Variants in CFAP206 observed in about 807,000 individuals in gnomAD.
CFAP206 encodes the protein cilia and flagella associated protein 206, also known as cilia- and flagella-associated protein 206.
A neutral mutation model predicts 65.4 loss-of-function variants in CFAP206; 53 were observed. The ratio of observed to expected loss-of-function variants is 0.81; its 90% CI spans 0.65 to 1.02. The LOEUF (loss-of-function observed/expected upper bound fraction) is 1.02, where lower values mean the gene tolerates loss of function less well. CFAP206 is among the 50% of genes least tolerant of loss of function. CFAP206 has a pLI of 0.00. For missense variants in CFAP206, 663 were observed against 753.2 expected (o/e 0.88, Z 1.40); for synonymous variants, 250 against 254.4 (o/e 0.98, Z 0.17).
chr6:87,428,477 A>T (rs1768092358), intron 8 of CFAP206, 149 bp from the exon 9 acceptor site: 3 of 648,752 alleles, frequency 4.6e-6, no homozygotes, highest in Admixed American at 5.6e-5. Flanking sequence ...TTAAATGTCT[A>T]TCTAAAGTCT....
chr6:87,444,173 G>C (rs779396012), intron 11 of CFAP206, among the ~76,000 whole-genome samples: 3 of 152,106 alleles, frequency 2.0e-5, no homozygotes, highest in Non-Finnish European at 2.9e-5. Context: ...TTTAAAGTTT[G>C]TAATTCCTAG....
intron 11 of CFAP206, among the ~76,000 whole-genome samples, chr6:87,459,200 A>T (rs1768699942): frequency 6.6e-6 from 1 of 152,162 alleles, no homozygotes; most frequent in African/African-American, 2.4e-5. Context: ...AGAAAATTTT[A>T]ATAATTTTTC....
intron 7 of CFAP206, 115 bp from the exon 8 acceptor site, chr6:87,426,411 C>T (rs1768044215): frequency 2.9e-6 from 2 of 678,468 alleles, no homozygotes; most frequent in Admixed American, 3.5e-5. Flanking sequence ...AACAGACTTC[C>T]TGCTGTCATT....
chr6:87,416,312 G>T (rs181852813), intron 5 of CFAP206, among the ~76,000 whole-genome samples: 2 of 152,154 alleles, frequency 1.3e-5, no homozygotes, highest in East Asian at 3.8e-4. Context: ...CCTTTAAAAT[G>T]AGGAATAGGA....
chr6:87,463,918 G>A, intron 12 of CFAP206, 102 bp from the exon 13 acceptor site: 4 of 798,066 alleles, frequency 5.0e-6, no homozygotes, highest in Non-Finnish European at 7.5e-6. Flanking sequence ...ATTTCTTGTG[G>A]ATTGAAGACA....
At chr6:87,408,601 C>T (rs993497144) in intron 1 of CFAP206, 1 of 151,754 alleles carries the variant, frequency 6.6e-6, no homozygotes, top group East Asian at 1.9e-4. Flanking sequence ...GCACACAGAT[C>T]CGGAGCGCGA....
At chr6:87,434,805 C>T (rs997394604) in intron 10 of CFAP206, 55 bp from the exon 11 acceptor site, 2 of 1,032,936 alleles carry the variant, frequency 1.9e-6, no homozygotes, top group African/African-American at 3.3e-5. Context: ...GCCAGAATAA[C>T]AATATTTCAT....
At chr6:87,440,522 G>A (rs1768345511) in intron 11 of CFAP206, among the ~76,000 whole-genome samples, 2 of 152,074 alleles carry the variant, frequency 1.3e-5, no homozygotes, top group Admixed American at 6.6e-5. Flanking sequence ...GGGCATCATG[G>A]TGAAGAAATA....
chr6:87,448,008 A>C (rs1205048571), intron 11 of CFAP206, among the ~76,000 whole-genome samples: 1 of 140,404 alleles, frequency 7.1e-6, no homozygotes, highest in Non-Finnish European at 1.6e-5. Flanking sequence ...CAGAACGTGC[A>C]GGTTTGTTAA....
rs1346815519 is a variant in CFAP206 at position 87,416,815 on chromosome 6, G to T, written c.619G>T (p.Gly207Cys). Residue 207 changes from glycine (G) to cysteine (C), a missense_variant, in exon 6 of 13, where the codon GGC becomes TGC. Physicochemically the swap from Gly to Cys is radical, Grantham distance 159. Transcript: ENST00000369562. ...CAGAGACTGTGGAAAAGGAGGAGAA[G>T]GCATTGATGATTGTAGGTATATCAT... The part of the protein sequence containing the change: ...FNRDCGKGGE[G>C]IDDLPAVLHV... 1 of 1,613,034 alleles carries T rather than the reference G, an allele frequency of 6.2e-7. No homozygotes were observed. Among genetic ancestry groups the T allele is most frequent in the Non-Finnish European group, 8.5e-7 (1 of 1,179,496 alleles).
chr6:87,463,908 A>G (rs1279231181), intron 12 of CFAP206, 112 bp from the exon 13 acceptor site: 1 of 702,126 alleles, frequency 1.4e-6, no homozygotes, highest in Non-Finnish European at 2.2e-6. Context: ...TATGGAATTA[A>G]TTTCTTGTGG....
At chr6:87,421,090 G>A (rs887626808) in intron 7 of CFAP206, among the ~76,000 whole-genome samples, 1 of 152,108 alleles carries the variant, frequency 6.6e-6, no homozygotes, top group Non-Finnish European at 1.5e-5. Context: ...ATGAATATTC[G>A]TTTTAAAGTC....
chr6:87,433,110 C>A (rs567043756), intron 10 of CFAP206, among the ~76,000 whole-genome samples: 1 of 152,332 alleles, frequency 6.6e-6, no homozygotes, highest in East Asian at 1.9e-4. Context: ...AGCCTTTGCA[C>A]TCTTGGAAAA....
chr6:87,458,359 T>C (rs1011699853), intron 11 of CFAP206, among the ~76,000 whole-genome samples: 2 of 152,138 alleles, frequency 1.3e-5, no homozygotes, highest in Non-Finnish European at 2.9e-5. Flanking sequence ...CAAGGAGATA[T>C]CTGCACTCCC....
intron 11 of CFAP206, among the ~76,000 whole-genome samples, chr6:87,439,356 T>C (rs1768328143): frequency 6.6e-6 from 1 of 152,174 alleles, no homozygotes; most frequent in African/African-American, 2.4e-5. Flanking sequence ...TCCTAAATAA[T>C]ATATTTCTGT....
intron 11 of CFAP206, chr6:87,441,943 G>A (rs763504229): frequency 1.8e-5 from 5 of 274,796 alleles, no homozygotes; most frequent in East Asian, 1.0e-4. Flanking sequence ...GGAGATAAAC[G>A]TGCTACTGTC....
chr6:87,453,226 ATATC>A (rs1768575170), intron 11 of CFAP206, among the ~76,000 whole-genome samples: 1 of 152,174 alleles, frequency 6.6e-6, no homozygotes, highest in African/African-American at 2.4e-5. Context: ...AGAATGGTAT[ATATC>A]TGATGAAAAT....
chr6:87,416,336 C>T (rs1360110576), intron 5 of CFAP206, among the ~76,000 whole-genome samples: 1 of 152,210 alleles, frequency 6.6e-6, no homozygotes, highest in South Asian at 2.1e-4. Context: ...ATGTCTAGCT[C>T]TCCTATGGCT....
chr6:87,428,730 T>A lies in CFAP206; in HGVS notation c.1065T>A (p.Gly355=), dbSNP rs1262502628. 2 of 1,614,148 alleles carry A rather than the reference T, an allele frequency of 1.2e-6. No homozygotes were observed. Among genetic ancestry groups the A allele is most frequent in the Non-Finnish European group, 1.7e-6 (2 of 1,179,996 alleles). The change falls in exon 9 of 13, where the codon GGT becomes GGA. Residue 355 remains glycine (G), a synonymous_variant. Coordinates refer to ENST00000369562, the MANE Select transcript of CFAP206 (RefSeq NM_001031743.3). ...TCACTCACATTCAGCCATTCTTGGG[T>A]GCTCACGAACTATACTTTCCTGAGA... ...NLFTHIQPFL[G]AHELYFPERV... is the part of the protein sequence containing the mutation.
Sources: gnomAD v4.1 joint callset for allele counts (sites outside exome capture counted in the v4.1 genomes callset) on GRCh38, gnomAD v4.1.1 for gene constraint, MANE v1.5 for transcripts, NCBI Gene and HGNC (gene_info 2026-07-23, HGNC 2026-07-21) for gene names.